The following SNX3 variants were observed in gnomAD, a reference collection of about 807,000 sequenced individuals.
The protein encoded by SNX3 is sorting nexin 3.
Under a neutral mutation model 17.7 loss-of-function variants are expected in SNX3, and 5 were observed. That is an observed-to-expected ratio of 0.28 (90% CI 0.15 to 0.59). SNX3 has a LOEUF of 0.59. Ranked by LOEUF, SNX3 falls within the 20% of genes least tolerant of loss-of-function variation. The pLI is 0.88. For synonymous variants in SNX3, 91 were observed against 76.5 expected (o/e 1.19, Z -0.99); for missense variants, 132 against 206.8 (o/e 0.64, Z 2.22).
intron 1 of SNX3, among the ~76,000 whole-genome samples, chr6:108,243,227 T>C (rs1324376023): frequency 6.6e-6 from 1 of 152,136 alleles, no homozygotes; most frequent in East Asian, 1.9e-4. Flanking sequence ...TGTCTTAGCC[T>C]CCTGTGTAGA....
At chr6:108,252,953 T>C (rs1775910563) in intron 1 of SNX3, among the ~76,000 whole-genome samples, 1 of 152,124 alleles carries the variant, frequency 6.6e-6, no homozygotes, top group Non-Finnish European at 1.5e-5. Context: ...AATAAACTTC[T>C]GGAAAAAAGA....
chr6:108,224,630 T>A (rs1186211888), intron 1 of SNX3, among the ~76,000 whole-genome samples: 1 of 152,148 alleles, frequency 6.6e-6, no homozygotes, highest in African/African-American at 2.4e-5. Context: ...GAGGACTGGA[T>A]TAGATCTTGC....
rs531206786 is a variant in SNX3, at chr6:108,215,937, T to A, written c.259-1315A>T. On this transcript the variant is annotated intron_variant, in intron 2 of 3. Transcript: ENST00000230085. ...GCGAGACCCCGTCTTAAAAAAAAAA[T>A]AAATTTTTAAAAATGTTATTCTGGA... Among the ~76,000 whole-genome samples the A allele has an allele frequency of 1.2e-3, 179 of 152,034 alleles. 1 individual carries two copies. Among genetic ancestry groups the A allele is most frequent in the African/African-American group, 3.2e-3 (133 of 41,488 alleles).
chr6:108,239,941 G>T (rs1775467314), intron 1 of SNX3, among the ~76,000 whole-genome samples: 1 of 152,076 alleles, frequency 6.6e-6, no homozygotes, highest in African/African-American at 2.4e-5. Context: ...ATAATAATGT[G>T]AAGAAAAACA....
At chr6:108,229,542 G>GA (rs1775076027) in intron 1 of SNX3, among the ~76,000 whole-genome samples, 1 of 151,900 alleles carries the variant, frequency 6.6e-6, no homozygotes, top group African/African-American at 2.4e-5. Flanking sequence ...CAAAGTGCTG[G>GA]AATATGAGGT....
At chr6:108,224,438 G>A (rs1035025124) in intron 1 of SNX3, among the ~76,000 whole-genome samples, 1 of 152,000 alleles carries the variant, frequency 6.6e-6, no homozygotes, top group African/African-American at 2.4e-5. Flanking sequence ...CCACCACCAT[G>A]GCTCGCTAAT....
At chr6:108,222,241 T>A in intron 2 of SNX3, 1 of 1,304,264 alleles carries the variant, frequency 7.7e-7, no homozygotes, top group South Asian at 1.2e-5. Context: ...TACTTTCTAG[T>A]CACAAAATAA....
intron 1 of SNX3, among the ~76,000 whole-genome samples, chr6:108,251,850 C>T (rs1775868453): frequency 6.6e-6 from 1 of 151,958 alleles, no homozygotes; most frequent in African/African-American, 2.4e-5. Context: ...TCACTTGAGG[C>T]CAGGAGTTCG....
At chr6:108,245,735 C>T (rs1408629209) in intron 1 of SNX3, among the ~76,000 whole-genome samples, 1 of 152,202 alleles carries the variant, frequency 6.6e-6, no homozygotes, top group Non-Finnish European at 1.5e-5. Context: ...TGTTTGTTGG[C>T]CGCATAAATG....
intron 1 of SNX3, among the ~76,000 whole-genome samples, chr6:108,257,231 T>C (rs1035947726): frequency 2.0e-5 from 3 of 152,072 alleles, no homozygotes; most frequent in Non-Finnish European, 4.4e-5. Context: ...ATAAATAAAA[T>C]TGCAGGGCTG....
chr6:108,236,328 C>T (rs2883719), intron 1 of SNX3, among the ~76,000 whole-genome samples: 7,535 of 149,512 alleles, frequency 0.05, 357 homozygotes, highest in Admixed American at 0.15. Context: ...CTCTCTACCT[C>T]TCTTTATATA....
rs1774508660 is a variant in SNX3, at chr6:108,214,630, G to A, written c.259-8C>T. 2.5e-6 allele frequency: 4 copies of A among 1,608,298 alleles called. No individual in the cohort carries two copies. The highest frequency in any genetic ancestry group is 4.5e-5 in the East Asian group (2 of 44,828). ...GAGCGGGGGAACTACGACCTAAAAT[G>A]TGAAGACAGAAACTCCTTGATCATG... On this transcript the variant is annotated splice_region_variant and splice_polypyrimidine_tract_variant and intron_variant, in intron 2 of 3. Transcript: ENST00000230085.
intron 1 of SNX3, among the ~76,000 whole-genome samples, chr6:108,225,133 C>A (rs1228698255): frequency 2.0e-5 from 3 of 151,930 alleles, no homozygotes; most frequent in South Asian, 2.1e-4. Context: ...TACAAAAAAA[C>A]CAGCCAGACG....
chr6:108,223,110 C>A, intron 1 of SNX3, 65 bp from the exon 2 acceptor site: 1 of 776,282 alleles, frequency 1.3e-6, no homozygotes. Context: ...AATGGGGGGA[C>A]GGGTATGGCA....
intron 1 of SNX3, among the ~76,000 whole-genome samples, chr6:108,245,169 T>G (rs1219534698): frequency 2.0e-5 from 3 of 152,024 alleles, no homozygotes; most frequent in African/African-American, 7.2e-5. Flanking sequence ...GTCCATGTGA[T>G]CTCATTGTTC....
intron 1 of SNX3, among the ~76,000 whole-genome samples, chr6:108,234,423 G>A (rs536978323): frequency 1.1e-4 from 17 of 152,124 alleles, no homozygotes; most frequent in African/African-American, 3.9e-4. Flanking sequence ...GTGGAGGCAT[G>A]TGCCTGTAGT....
At chr6:108,247,885 C>A (rs1775740203) in intron 1 of SNX3, among the ~76,000 whole-genome samples, 1 of 151,938 alleles carries the variant, frequency 6.6e-6, no homozygotes. Flanking sequence ...ATTGCTTGAG[C>A]TCAGGAGTTC....
intron 1 of SNX3, among the ~76,000 whole-genome samples, chr6:108,232,343 G>A (rs1394573335): frequency 2.0e-5 from 3 of 152,072 alleles, no homozygotes; most frequent in Non-Finnish European, 2.9e-5. Context: ...TACATACTAA[G>A]GAAAAGATTT....
intron 1 of SNX3, among the ~76,000 whole-genome samples, chr6:108,232,414 TACC>T (rs1198787828): frequency 6.6e-6 from 1 of 152,122 alleles, no homozygotes; most frequent in East Asian, 1.9e-4. Flanking sequence ...CACAGGAAAC[TACC>T]ACATTATTGG....
Sources: allele counts gnomAD v4.1 joint callset (sites outside exome capture counted in the v4.1 genomes callset), GRCh38; gene constraint gnomAD v4.1.1; transcripts MANE v1.5; gene names NCBI Gene and HGNC (gene_info 2026-07-23, HGNC 2026-07-21).